BIRC6: variants seen among roughly 807,000 people sequenced by gnomAD.
BIRC6 encodes dual E2 ubiquitin-conjugating enzyme/E3 ubiquitin-protein ligase BIRC6.
In BIRC6, 98 loss-of-function variants were observed where a neutral mutation model predicts 503.3. The observed-to-expected ratio is 0.19, with a 90% CI of 0.17 to 0.23. BIRC6 has a LOEUF of 0.23. BIRC6 is among the 10% of genes least tolerant of loss of function. The pLI, the probability that BIRC6 is intolerant of heterozygous loss-of-function variation, is 1.00. For synonymous variants in BIRC6, 2,240 were observed against 2,078.7 expected (o/e 1.08, Z -2.11); for missense variants, 5,360 against 5,806.0 (o/e 0.92, Z 2.50).
chr2:32,603,547 C>G (rs2062207568), intron 71 of BIRC6, among the ~76,000 whole-genome samples: 1 of 152,018 alleles, frequency 6.6e-6, no homozygotes, highest in African/African-American at 2.4e-5. Context: ...AGACCCGCAT[C>G]TCTACTAAAA....
intron 61 of BIRC6, among the ~76,000 whole-genome samples, chr2:32,533,769 G>A (rs1191326868): frequency 6.6e-6 from 1 of 152,194 alleles, no homozygotes; most frequent in Non-Finnish European, 1.5e-5. Flanking sequence ...TGGAAAAGGT[G>A]AGGAACTGTT....
chr2:32,478,619 A>G lies in BIRC6; in HGVS notation c.7069-16A>G, dbSNP rs935522753. Reference sequence around the variant, plus strand: ...AATTGCTATTTAAGTGTATGATTTTATAAAATGTATTACAGGTTCTTGCAC... The same window carrying G: ...AATTGCTATTTAAGTGTATGATTTTGTAAAATGTATTACAGGTTCTTGCAC... On this transcript the variant is annotated splice_polypyrimidine_tract_variant and intron_variant, in intron 35 of 73. Coordinates refer to ENST00000421745, the MANE Select transcript of BIRC6 (RefSeq NM_016252.4). 3 of 1,593,076 alleles carry G rather than the reference A, an allele frequency of 1.9e-6. No homozygotes were observed. Among genetic ancestry groups the G allele is most frequent in the African/African-American group, 2.7e-5 (2 of 73,798 alleles).
intron 66 of BIRC6, among the ~76,000 whole-genome samples, chr2:32,578,017 T>C (rs2060378612): frequency 6.6e-6 from 1 of 152,244 alleles, no homozygotes; most frequent in Non-Finnish European, 1.5e-5. Flanking sequence ...TAATTCTTTT[T>C]ACTGATAAAC....
intron 9 of BIRC6, among the ~76,000 whole-genome samples, chr2:32,412,863 T>C (rs550426614): frequency 1.3e-5 from 2 of 152,338 alleles, no homozygotes; most frequent in East Asian, 1.9e-4. Flanking sequence ...CTCTTTGGTT[T>C]AGAATTGAAG....
chr2:32,496,013 T>A (rs1256242521), intron 45 of BIRC6, among the ~76,000 whole-genome samples: 9 of 151,804 alleles, frequency 5.9e-5, no homozygotes, highest in Non-Finnish European at 1.0e-4. Flanking sequence ...AATTTTGTTT[T>A]TGTAGTTTTA....
chr2:32,599,513 G>A (rs778986558), intron 69 of BIRC6, among the ~76,000 whole-genome samples: 3 of 150,170 alleles, frequency 2.0e-5, no homozygotes, highest in African/African-American at 4.9e-5. Context: ...TGGCAGGCAC[G>A]TGTGTTCCCA....
chr2:32,471,665 G>T (rs2049119919), intron 32 of BIRC6, among the ~76,000 whole-genome samples: 2 of 152,052 alleles, frequency 1.3e-5, no homozygotes. Context: ...AGTTAACAAG[G>T]CTTTTTATTT....
rs2054913279 is a variant in BIRC6 at position 32,515,356 on chromosome 2, C to T, written c.10935C>T (p.Ser3645=). 1 of 1,613,746 alleles carries T rather than the reference C, an allele frequency of 6.2e-7. No individual in the cohort carries two copies. The highest frequency in any genetic ancestry group is 2.2e-5 in the East Asian group (1 of 44,876). ...GGAGTCTGGCTAGTTTCTGCTTTAGCCACATTTCTAGCTCAGAAAGCATTG... is the reference window on the plus strand; with the variant it reads ...GGAGTCTGGCTAGTTTCTGCTTTAGTCACATTTCTAGCTCAGAAAGCATTG... The part of the protein sequence containing the change: ...LVRSLASFCF[S]HISSSESIAQ... Residue 3645 remains serine (S), a synonymous_variant, in exon 55 of 74, where the codon AGC becomes AGT. Transcript: ENST00000421745.
chr2:32,551,978 T>TA (rs1251817386), intron 65 of BIRC6, among the ~76,000 whole-genome samples: 2 of 152,182 alleles, frequency 1.3e-5, no homozygotes, highest in South Asian at 2.1e-4. Context: ...GCAGATGATA[T>TA]AAAAAAACGC....
At chr2:32,540,770 G>A (rs1035903289) in intron 61 of BIRC6, among the ~76,000 whole-genome samples, 1 of 151,900 alleles carries the variant, frequency 6.6e-6, no homozygotes, top group African/African-American at 2.4e-5. Context: ...CATTTGTATA[G>A]CTCTAGCATA....
rs188477882 is a variant in BIRC6 at position 32,365,570 on chromosome 2, C to T, written c.325+8084C>T. Among the ~76,000 whole-genome samples, 1,140 of 152,218 alleles carry T rather than the reference C, an allele frequency of 7.5e-3. 9 individuals are homozygous for T. The highest frequency in any genetic ancestry group is 0.02 in the Middle Eastern group (6 of 294). On this transcript the variant is annotated intron_variant, in intron 1 of 73. Coordinates refer to ENST00000421745, the MANE Select transcript of BIRC6 (RefSeq NM_016252.4). Reference sequence around the variant, plus strand: ...TCCTGACCTTGTGATCCACTCGCCTCGGCCTCCCAAAGTGCTGGGATTACA... The same window carrying T: ...TCCTGACCTTGTGATCCACTCGCCTTGGCCTCCCAAAGTGCTGGGATTACA...
intron 10 of BIRC6, among the ~76,000 whole-genome samples, chr2:32,422,817 T>C (rs1381563541): frequency 6.6e-6 from 1 of 152,196 alleles, no homozygotes; most frequent in East Asian, 1.9e-4. Flanking sequence ...AGTACTCCAA[T>C]GTGCAAAAAA....
At chr2:32,410,433 A>C (rs1276475181) in intron 9 of BIRC6, among the ~76,000 whole-genome samples, 3 of 152,260 alleles carry the variant, frequency 2.0e-5, no homozygotes, top group Admixed American at 1.3e-4. Context: ...TGAGTATTTA[A>C]ATAAGTGAAC....
rs767796874 is a variant in BIRC6 at position 32,478,810 on chromosome 2, T to C, written c.7244T>C (p.Ile2415Thr). Residue 2415 changes from isoleucine (I) to threonine (T), a missense_variant, in exon 36 of 74, where the codon ATT becomes ACT. By Grantham distance (89) the Ile-to-Thr change is moderately conservative (BLOSUM62 -1). This residue lies in a region of BIRC6 where 2,299 missense variants were observed against 2,267.2 expected (regional missense o/e 1.01). Transcript: ENST00000421745. ...TCCTTAACTTGCATGCTACAAGATA[T>C]TTTAGCAGGTGTGTTAGGATTTTTC... ...QYSLTCMLQDILAGELLAPVA... is the reference protein window; with the variant it reads ...QYSLTCMLQDTLAGELLAPVA... 8 of 1,612,238 alleles carry C rather than the reference T, an allele frequency of 5.0e-6. No homozygotes were observed. The South Asian group carries it at 6.6e-5, about 13-fold the overall frequency.
intron 21 of BIRC6, among the ~76,000 whole-genome samples, chr2:32,447,396 T>A (rs1374956684): frequency 3.7e-5 from 5 of 135,496 alleles, no homozygotes; most frequent in African/African-American, 5.7e-5. Flanking sequence ...TCCCCCCACC[T>A]CCCTCCCGGA....
At chr2:32,524,626 T>G (rs1455597259) in intron 57 of BIRC6, 1 of 164,324 alleles carries the variant, frequency 6.1e-6, no homozygotes, top group Non-Finnish European at 1.3e-5. Context: ...CTGGAGGTGG[T>G]ACCATTAAAA....
At chr2:32,476,539 A>T (rs1321645155) in intron 34 of BIRC6, among the ~76,000 whole-genome samples, 195 bp downstream of exon 34, 1 of 152,126 alleles carries the variant, frequency 6.6e-6, no homozygotes, top group Non-Finnish European at 1.5e-5. Context: ...ATTGTAATGT[A>T]TTACCTTCAT....
At chr2:32,617,253 T>G (rs951619486) in intron 73 of BIRC6, among the ~76,000 whole-genome samples, 22 of 152,052 alleles carry the variant, frequency 1.4e-4, no homozygotes, top group African/African-American at 5.3e-4. Context: ...TACAAAAAAT[T>G]AGCTGGTTGT....
At chr2:32,375,720 G>T (rs1325764775) in intron 1 of BIRC6, among the ~76,000 whole-genome samples, 1 of 149,348 alleles carries the variant, frequency 6.7e-6, no homozygotes, top group Non-Finnish European at 1.5e-5. Flanking sequence ...ATATAGTGCC[G>T]TAAATGTATT....
Sources: allele counts gnomAD v4.1 joint callset (sites outside exome capture counted in the v4.1 genomes callset), GRCh38; gene constraint gnomAD v4.1.1; regional missense constraint gnomAD v4.1.1; transcripts MANE v1.5; gene names NCBI Gene and HGNC (gene_info 2026-07-23, HGNC 2026-07-21).